Variants in GPATCH8 observed in about 807,000 individuals in gnomAD.
The protein encoded by GPATCH8 is G patch domain-containing protein 8.
Under a neutral mutation model 118.3 loss-of-function variants are expected in GPATCH8, and 18 were observed. The ratio of observed to expected loss-of-function variants is 0.15; its 90% CI spans 0.11 to 0.23. The LOEUF is 0.23. Among genes scored for constraint, GPATCH8 ranks in the 10% least tolerant of loss-of-function variants. The pLI is 1.00. For synonymous variants in GPATCH8, 659 were observed against 684.7 expected (o/e 0.96, Z 0.59); for missense variants, 1,631 against 1,873.8 (o/e 0.87, Z 2.39).
At chr17:44,410,975 G>T (rs139793115) in intron 6 of GPATCH8, among the ~76,000 whole-genome samples, 1 of 152,144 alleles carries the variant, frequency 6.6e-6, no homozygotes, top group Non-Finnish European at 1.5e-5. Context: ...GCAGAAAAAC[G>T]TTTTACTGTG....
chr17:44,488,815 G>A (rs1281884467), intron 1 of GPATCH8, among the ~76,000 whole-genome samples: 4 of 151,736 alleles, frequency 2.6e-5, no homozygotes, highest in East Asian at 2.0e-4. Flanking sequence ...GGCCAGGCAC[G>A]GTGGCTCATG....
At chr17:44,482,481 G>A (rs1368500242) in intron 1 of GPATCH8, among the ~76,000 whole-genome samples, 1 of 150,308 alleles carries the variant, frequency 6.7e-6, no homozygotes, top group Middle Eastern at 3.2e-3. Context: ...GGTTGAGGCA[G>A]GAGAATCGCT....
At position 44,496,112 on chromosome 17, in the gene GPATCH8, A is replaced by G. The variant is rs1182932514; in HGVS notation, c.45+7214T>C. 2.0e-5 allele frequency among the ~76,000 whole-genome samples: 3 copies of G among 152,116 alleles called. No individual in the cohort carries two copies. In the East Asian group the frequency reaches 5.8e-4, roughly 29 times the overall value. ...TCGAACTCCTGACCCCGTGTGATCCACCTGCCCTCAGCCTCCCAAAATGCC... is the reference window on the plus strand; with the variant it reads ...TCGAACTCCTGACCCCGTGTGATCCGCCTGCCCTCAGCCTCCCAAAATGCC... On this transcript the variant is annotated intron_variant, in intron 1 of 7. Transcript: ENST00000591680.
At chr17:44,499,362 C>T (rs1449950621) in intron 1 of GPATCH8, among the ~76,000 whole-genome samples, 2 of 152,092 alleles carry the variant, frequency 1.3e-5, no homozygotes, top group East Asian at 1.9e-4. Flanking sequence ...CCCAGCTACT[C>T]GGGAGGCTGA....
At chr17:44,417,040 T>A (rs2049712598) in intron 6 of GPATCH8, among the ~76,000 whole-genome samples, 1 of 152,170 alleles carries the variant, frequency 6.6e-6, no homozygotes. Flanking sequence ...GAATTTTTTT[T>A]TTTTTGAGAC....
At chr17:44,432,568 G>T (rs1416360377) in intron 5 of GPATCH8, among the ~76,000 whole-genome samples, 2 of 152,158 alleles carry the variant, frequency 1.3e-5, no homozygotes, top group African/African-American at 4.8e-5. Context: ...CAGGCTTTTG[G>T]TGAGTATGTA....
intron 7 of GPATCH8, among the ~76,000 whole-genome samples, chr17:44,402,089 A>G (rs935022847): frequency 5.3e-5 from 8 of 151,852 alleles, no homozygotes; most frequent in Middle Eastern, 3.2e-3. Flanking sequence ...TGGGAGGTGG[A>G]GGCGAGCAGA....
In GPATCH8 at chr17:44,397,064, A is replaced by T. The variant is rs1323585193; in HGVS notation, c.*504T>A. The T allele has an allele frequency of 2.2e-6, 1 of 454,114 alleles. No homozygotes were observed. Among genetic ancestry groups the T allele is most frequent in the South Asian group, 1.6e-5 (1 of 64,482 alleles). The allele number at this position is 454,114 out of a possible 1,614,324, so 28.1% of individuals were successfully genotyped here. On this transcript the variant is annotated 3_prime_UTR_variant, in exon 8 of 8. Coordinates refer to ENST00000591680, the MANE Select transcript of GPATCH8 (RefSeq NM_001002909.4). The stretch of plus-strand genomic sequence containing the variant: ...CTGGGATAACGTAACGTCACCAAAG[A>T]TGGTCAAAGATACTACCCCAAAATG...
At chr17:44,482,904 C>G (rs535740231) in intron 1 of GPATCH8, among the ~76,000 whole-genome samples, 1 of 149,826 alleles carries the variant, frequency 6.7e-6, no homozygotes, top group Non-Finnish European at 1.5e-5. Flanking sequence ...CGCCTGTAAT[C>G]CCAGCACTTT....
intron 6 of GPATCH8, among the ~76,000 whole-genome samples, chr17:44,408,111 T>C (rs1323706503): frequency 6.6e-6 from 1 of 152,172 alleles, no homozygotes; most frequent in Non-Finnish European, 1.5e-5. Flanking sequence ...AACCTAGTTT[T>C]TTCTTCCCCA....
chr17:44,429,685 C>CACACACACACACACACACA (rs1567976291), intron 5 of GPATCH8, among the ~76,000 whole-genome samples: 1 of 141,532 alleles, frequency 7.1e-6, no homozygotes, highest in Non-Finnish European at 1.5e-5. Flanking sequence ...CACACACACA[C>CACACACACACACACACACA]AAAACAACAA....
chr17:44,460,978 T>C lies in GPATCH8; in HGVS notation c.193+3494A>G, dbSNP rs1038894244. On this transcript the variant is annotated intron_variant, in intron 3 of 7. Transcript: ENST00000591680. ...GAATCCGACACTAGGAAGTAAACAG[T>C]CAGTTATGAAACAAACTCAATTCTT... Among the ~76,000 whole-genome samples, 7 of 152,200 alleles carry C rather than the reference T, an allele frequency of 4.6e-5. No homozygotes were observed. The East Asian group carries it at 1.3e-3, about 29-fold the overall frequency.
intron 1 of GPATCH8, among the ~76,000 whole-genome samples, chr17:44,499,771 T>C (rs1468557672): frequency 6.6e-6 from 1 of 152,168 alleles, no homozygotes; most frequent in Non-Finnish European, 1.5e-5. Flanking sequence ...TATCTTAATC[T>C]GGTAAATGCT....
intron 5 of GPATCH8, among the ~76,000 whole-genome samples, chr17:44,432,048 T>G (rs77062815): frequency 5.0e-5 from 6 of 120,944 alleles, no homozygotes; most frequent in South Asian, 2.4e-4. Flanking sequence ...TCAGAGTGGG[T>G]TTTTTTTTTT....
intron 1 of GPATCH8, among the ~76,000 whole-genome samples, chr17:44,502,124 C>T (rs767198295): frequency 6.6e-6 from 1 of 152,158 alleles, no homozygotes; most frequent in Non-Finnish European, 1.5e-5. Context: ...TTCTCATAAG[C>T]GTTCTATGTA....
chr17:44,399,118 T>A lies in GPATCH8; in HGVS notation c.2959A>T (p.Ser987Cys). Residue 987 changes from serine to cysteine, a missense_variant, in exon 8 of 8, where the codon AGC becomes TGC. This residue lies in a region of GPATCH8 where 922 missense variants were observed against 879.7 expected (regional missense o/e 1.05). Transcript: ENST00000591680. ...CTGCGGCTGCGGTCCCGGCTATAGC[T>A]CCGGCTCCGTTGCCAGCTGTGGGCT... Reference protein sequence around the residue: ...TTAHSWQRSRSYSRDRSRSTR... With the variant: ...TTAHSWQRSRCYSRDRSRSTR... The A allele has an allele frequency of 6.2e-7, 1 of 1,611,428 alleles. No individual in the cohort carries two copies. Among genetic ancestry groups the A allele is most frequent in the Non-Finnish European group, 8.5e-7 (1 of 1,178,148 alleles).
intron 4 of GPATCH8, among the ~76,000 whole-genome samples, chr17:44,435,539 G>T (rs2050475357): frequency 6.8e-6 from 1 of 146,734 alleles, no homozygotes; most frequent in Admixed American, 6.9e-5. Context: ...TCAGCCTCCT[G>T]AGTAGCTGGG....
Position 44,464,362 on chromosome 17 carries a change from G to C in GPATCH8, c.193+110C>G, listed in dbSNP as rs552124637. On this transcript the variant is annotated intron_variant, in intron 3 of 7. Coordinates refer to ENST00000591680, the MANE Select transcript of GPATCH8 (RefSeq NM_001002909.4). ...AGACTACTCTAAGGGGAAAAAGGTA[G>C]TAGGGAGAAACCCAAGTACTTTTTT... 28 of 784,188 alleles carry C rather than the reference G, an allele frequency of 3.6e-5. No homozygotes were observed. In the South Asian group the frequency reaches 3.8e-4, roughly 11 times the overall value. The allele number at this position is 784,188 out of a possible 1,614,324, so 48.6% of individuals were successfully genotyped here.
At chr17:44,490,137 A>AT (rs1314220198) in intron 1 of GPATCH8, among the ~76,000 whole-genome samples, 3 of 151,836 alleles carry the variant, frequency 2.0e-5, no homozygotes, top group East Asian at 1.9e-4. Context: ...ATCTTTACAA[A>AT]TTTTTTTTAA....
Sources: gnomAD v4.1 joint callset for allele counts (sites outside exome capture counted in the v4.1 genomes callset) on GRCh38, gnomAD v4.1.1 for gene constraint, gnomAD v4.1.1 regional missense constraint, MANE v1.5 for transcripts, NCBI Gene and HGNC (gene_info 2026-07-23, HGNC 2026-07-21) for gene names.